Variants in TBC1D32 observed in about 807,000 individuals in gnomAD.
The protein encoded by TBC1D32 is TBC1 domain family member 32.
A neutral mutation model predicts 170.3 loss-of-function variants in TBC1D32; 151 were observed. The observed-to-expected ratio is 0.89, with a 90% CI of 0.78 to 1.01. TBC1D32 has a LOEUF of 1.01. Ranked by LOEUF, TBC1D32 falls within the 50% of genes least tolerant of loss-of-function variation. The pLI, the probability that TBC1D32 is intolerant of heterozygous loss-of-function variation, is 0.00. For missense variants in TBC1D32, 1,464 were observed against 1,457.1 expected, an observed-to-expected ratio of 1.00 and a Z score of -0.08; for synonymous variants, 498 against 488.0, an observed-to-expected ratio of 1.02 and a Z score of -0.27.
chr6:121,137,763 A>G (rs916808833), intron 24 of TBC1D32, among the ~76,000 whole-genome samples: 2 of 151,922 alleles, frequency 1.3e-5, no homozygotes, highest in African/African-American at 4.8e-5. Context: ...GAACTTCTGT[A>G]TAGTTCTTTC....
rs147295442 is a variant in TBC1D32 at position 121,173,722 on chromosome 6, G to C, written c.2571-12666C>G. 9.1e-4 allele frequency among the ~76,000 whole-genome samples: 138 copies of C among 152,062 alleles called. 1 individual carries two copies. Among genetic ancestry groups the C allele is most frequent in the African/African-American group, 2.7e-3 (113 of 41,518 alleles). Reference sequence around the variant, plus strand: ...ATCAAGATATATGGGGGGTACCAGGGGAGGGGAGAGGATGGCCGGAAAAAG... The same window carrying C: ...ATCAAGATATATGGGGGGTACCAGGCGAGGGGAGAGGATGGCCGGAAAAAG... On this transcript the variant is annotated intron_variant, in intron 22 of 31. Transcript: ENST00000398212.
chr6:121,290,976 G>A (rs1804754147), intron 12 of TBC1D32, among the ~76,000 whole-genome samples: 1 of 586 alleles, frequency 1.7e-3, no homozygotes, highest in African/African-American at 2.3e-3. Flanking sequence ...ACAGGAAGGG[G>A]AGCATCACAC....
At chr6:121,185,283 G>A (rs1315870419) in intron 22 of TBC1D32, among the ~76,000 whole-genome samples, 4 of 152,034 alleles carry the variant, frequency 2.6e-5, no homozygotes, top group Non-Finnish European at 5.9e-5. Context: ...CACCTAGTTA[G>A]AGAAAATTTC....
At chr6:121,297,973 T>C (rs1178566647) in intron 10 of TBC1D32, among the ~76,000 whole-genome samples, 1 of 152,014 alleles carries the variant, frequency 6.6e-6, no homozygotes, top group African/African-American at 2.4e-5. Flanking sequence ...AAAGTTCTTA[T>C]ACAAGAATCT....
rs1802648540 is a variant in TBC1D32 at position 121,279,164 on chromosome 6, T to C, written c.1690A>G (p.Ile564Val). The change falls in exon 15 of 32, where the codon ATT (isoleucine) becomes GTT (valine). Residue 564 changes from isoleucine (I) to valine (V), a missense_variant. By Grantham distance (29) the Ile-to-Val change is conservative. Transcript: ENST00000398212. ...ARIASVEEGLILLLYGANMNS... is the reference protein window; with the variant it reads ...ARIASVEEGLVLLLYGANMNS... ...ATATTTGCTCCATAAAGGAGTAAAA[T>C]AAGCCCTTCTTCTACAGATGCAATT... 1 of 1,611,252 alleles carries C rather than the reference T, an allele frequency of 6.2e-7. No individual in the cohort carries two copies. Among genetic ancestry groups the C allele is most frequent in the African/African-American group, 1.3e-5 (1 of 74,782 alleles).
At chr6:121,197,574 T>G (rs1790902512) in intron 22 of TBC1D32, among the ~76,000 whole-genome samples, 1 of 152,240 alleles carries the variant, frequency 6.6e-6, no homozygotes, top group African/African-American at 2.4e-5. Context: ...TAAGATTTAT[T>G]GACTTCATAT....
intron 21 of TBC1D32, among the ~76,000 whole-genome samples, chr6:121,221,553 C>T (rs968931515): frequency 2.6e-5 from 4 of 152,154 alleles, no homozygotes; most frequent in Non-Finnish European, 4.4e-5. Flanking sequence ...CTGTGATTCA[C>T]GAGAAGAGGC....
chr6:121,231,415 C>A (rs1583313150), intron 20 of TBC1D32, among the ~76,000 whole-genome samples: 1 of 152,212 alleles, frequency 6.6e-6, no homozygotes, highest in East Asian at 1.9e-4. Flanking sequence ...ATAATGACTT[C>A]TTTTCCTCTG....
At chr6:121,101,103 C>G (rs1170743415) in intron 30 of TBC1D32, among the ~76,000 whole-genome samples, 2 of 151,994 alleles carry the variant, frequency 1.3e-5, no homozygotes, top group African/African-American at 4.8e-5. Context: ...TAATAGCTTA[C>G]CAACCAAAAA....
At chr6:121,271,614 G>A (rs1801441323) in intron 15 of TBC1D32, among the ~76,000 whole-genome samples, 1 of 151,960 alleles carries the variant, frequency 6.6e-6, no homozygotes, top group African/African-American at 2.4e-5. Context: ...AAATAAAAGA[G>A]GACACAAACA....
At chr6:121,111,779 C>A (rs1326332428) in intron 29 of TBC1D32, among the ~76,000 whole-genome samples, 1 of 152,086 alleles carries the variant, frequency 6.6e-6, no homozygotes, top group Admixed American at 6.5e-5. Flanking sequence ...TGAATATTTT[C>A]ATCTCCACAT....
chr6:121,231,594 AT>A (rs1437581499), intron 20 of TBC1D32, among the ~76,000 whole-genome samples: 3 of 150,334 alleles, frequency 2.0e-5, no homozygotes, highest in Non-Finnish European at 4.4e-5. Flanking sequence ...TTTTTTTTTC[AT>A]TTTTTGATTA....
At chr6:121,299,145 T>C (rs1806084530) in intron 10 of TBC1D32, among the ~76,000 whole-genome samples, 1 of 152,114 alleles carries the variant, frequency 6.6e-6, no homozygotes. Context: ...TTGATGTGAA[T>C]CGAACTACAT....
chr6:121,171,740 G>C (rs1281813415), intron 22 of TBC1D32, among the ~76,000 whole-genome samples: 1 of 152,116 alleles, frequency 6.6e-6, no homozygotes, highest in Non-Finnish European at 1.5e-5. Context: ...GCACATGAAA[G>C]ATTATACTAT....
At chr6:121,322,335 T>C (rs1015947023) in intron 1 of TBC1D32, among the ~76,000 whole-genome samples, 1 of 152,186 alleles carries the variant, frequency 6.6e-6, no homozygotes, top group Non-Finnish European at 1.5e-5. Context: ...CATTGGTATT[T>C]AAAGCCCTCA....
chr6:121,093,048 C>G (rs1236019591), intron 30 of TBC1D32, among the ~76,000 whole-genome samples: 2 of 152,120 alleles, frequency 1.3e-5, no homozygotes, highest in African/African-American at 4.8e-5. Context: ...CAAAATCTTT[C>G]CAAAGAGCCC....
chr6:121,139,873 T>C (rs1371818912), intron 24 of TBC1D32: 2 of 152,180 alleles, frequency 1.3e-5, no homozygotes, highest in African/African-American at 4.8e-5. Context: ...AGTTTTGTTA[T>C]TAACCAAAAT....
chr6:121,110,320 G>A (rs1779084266), intron 29 of TBC1D32, among the ~76,000 whole-genome samples: 1 of 151,146 alleles, frequency 6.6e-6, no homozygotes, highest in Non-Finnish European at 1.5e-5. Flanking sequence ...CATTTATTGA[G>A]TGATTACTAT....
At chr6:121,132,474 ATTTAGTC>A (rs1016873907) in intron 24 of TBC1D32, among the ~76,000 whole-genome samples, 5 of 151,950 alleles carry the variant, frequency 3.3e-5, no homozygotes, top group African/African-American at 1.2e-4. Context: ...CTCCCACATA[ATTTAGTC>A]ACATTTTCAC....
Sources: gnomAD v4.1 joint callset for allele counts (sites outside exome capture counted in the v4.1 genomes callset) on GRCh38, gnomAD v4.1.1 for gene constraint, MANE v1.5 for transcripts, NCBI Gene and HGNC (gene_info 2026-07-23, HGNC 2026-07-21) for gene names.